The following EYS variants were observed in gnomAD, a reference collection of about 807,000 sequenced individuals.
EYS encodes protein eyes shut homolog.
In EYS, 250 loss-of-function variants were observed where a neutral mutation model predicts 282.1. That is an observed-to-expected ratio of 0.89 (90% CI 0.80 to 0.98). The LOEUF (loss-of-function observed/expected upper bound fraction) is 0.98. Among genes scored for constraint, EYS ranks in the 50% least tolerant of loss-of-function variants. The pLI, the probability that EYS is intolerant of heterozygous loss-of-function variation, is 0.00. For synonymous variants in EYS, 1,355 were observed against 1,282.9 expected (o/e 1.06, Z -1.20); for missense variants, 4,016 against 3,709.0 (o/e 1.08, Z -2.15).
In EYS at chr6:64,287,332, T is replaced by C. The variant is rs189043758; in HGVS notation, c.6191+19638A>G. ...ATTCTGTATTTTCACACATATAAAG[T>C]TTTTATAAAATATTAAAATGATGCT... On this transcript the variant is annotated intron_variant, in intron 30 of 42. Coordinates refer to ENST00000503581, the MANE Select transcript of EYS (RefSeq NM_001142800.2). Among the ~76,000 whole-genome samples, 201 of 152,260 alleles carry C rather than the reference T, an allele frequency of 1.3e-3. 1 individual carries two copies. The highest frequency in any genetic ancestry group is 4.4e-3 in the African/African-American group (181 of 41,564).
chr6:65,100,262 C>G (rs1051399687), intron 12 of EYS, among the ~76,000 whole-genome samples: 2 of 150,656 alleles, frequency 1.3e-5, no homozygotes, highest in Admixed American at 6.6e-5. Flanking sequence ...TCACTTCAAG[C>G]TAATGGTCAG....
intron 22 of EYS, among the ~76,000 whole-genome samples, chr6:64,762,064 T>C (rs1211312364): frequency 6.6e-6 from 1 of 152,190 alleles, no homozygotes; most frequent in African/African-American, 2.4e-5. Flanking sequence ...TAAATGTTCT[T>C]ACCACAAAGA....
intron 29 of EYS, among the ~76,000 whole-genome samples, chr6:64,381,741 G>A (rs1772754003): frequency 6.6e-6 from 1 of 152,172 alleles, no homozygotes; most frequent in Non-Finnish European, 1.5e-5. Flanking sequence ...AACTTTTTAA[G>A]TGATGCCAGA....
intron 24 of EYS, among the ~76,000 whole-genome samples, chr6:64,610,811 T>C (rs1767090859): frequency 6.6e-6 from 1 of 152,226 alleles, no homozygotes; most frequent in African/African-American, 2.4e-5. Flanking sequence ...TTTTTCATTA[T>C]ACATTATACT....
chr6:64,356,664 G>A (rs931710416), intron 29 of EYS, among the ~76,000 whole-genome samples: 4 of 151,520 alleles, frequency 2.6e-5, no homozygotes, highest in Admixed American at 6.6e-5. Flanking sequence ...GAGAGGAGGC[G>A]TCTCAGCACA....
chr6:64,705,742 C>T (rs913796166), intron 22 of EYS, among the ~76,000 whole-genome samples: 7 of 149,264 alleles, frequency 4.7e-5, no homozygotes, highest in Non-Finnish European at 1.0e-4. Flanking sequence ...AAACCAAACA[C>T]CGCATATTCT....
At chr6:64,375,559 G>A (rs1772535455) in intron 29 of EYS, among the ~76,000 whole-genome samples, 1 of 152,166 alleles carries the variant, frequency 6.6e-6, no homozygotes, top group South Asian at 2.1e-4. Flanking sequence ...AGGGTGTGGG[G>A]TAGGAGATAT....
intron 36 of EYS, among the ~76,000 whole-genome samples, chr6:63,826,521 C>G (rs1463016127): frequency 6.6e-6 from 1 of 152,134 alleles, no homozygotes. Flanking sequence ...TAAAGAAAAA[C>G]CTATCAGATT....
chr6:64,732,108 C>A (rs1239330309), intron 22 of EYS, among the ~76,000 whole-genome samples: 1 of 151,718 alleles, frequency 6.6e-6, no homozygotes, highest in East Asian at 1.9e-4. Flanking sequence ...GGGAGTTGAA[C>A]AATGAGAACA....
intron 30 of EYS, among the ~76,000 whole-genome samples, chr6:64,264,094 T>C (rs1216526343): frequency 2.3e-5 from 2 of 86,826 alleles, no homozygotes; most frequent in African/African-American, 9.1e-5. Context: ...TCTAGTGAGC[T>C]AAAAGAAAAA....
intron 32 of EYS, among the ~76,000 whole-genome samples, chr6:64,074,798 A>G (rs1044124191): frequency 2.6e-5 from 4 of 151,942 alleles, no homozygotes; most frequent in Non-Finnish European, 4.4e-5. Context: ...TCACATTTTT[A>G]TGGTGTTTTG....
At chr6:63,938,309 T>C (rs529617975) in intron 35 of EYS, among the ~76,000 whole-genome samples, 20 of 152,246 alleles carry the variant, frequency 1.3e-4, no homozygotes, top group African/African-American at 4.8e-4. Context: ...TGAAATATGG[T>C]TAAAATAACT....
chr6:64,112,708 A>T (rs1773245830), intron 31 of EYS, among the ~76,000 whole-genome samples: 1 of 150,022 alleles, frequency 6.7e-6, no homozygotes, highest in South Asian at 2.1e-4. Context: ...CTATGAATTA[A>T]AGAATAAAAA....
At chr6:65,047,942 A>G (rs1376213855) in intron 13 of EYS, among the ~76,000 whole-genome samples, 1 of 151,902 alleles carries the variant, frequency 6.6e-6, no homozygotes, top group African/African-American at 2.4e-5. Context: ...AGCTTGAGGC[A>G]AAACACAGAG....
At chr6:65,567,737 G>A (rs75741959) in intron 2 of EYS, among the ~76,000 whole-genome samples, 2,663 of 152,044 alleles carry the variant, frequency 0.018, 128 homozygotes, top group East Asian at 0.11. Flanking sequence ...AAACCCTAGC[G>A]GATTTATAGT....
At chr6:65,078,662 T>C (rs1422855572) in intron 12 of EYS, among the ~76,000 whole-genome samples, 1 of 152,048 alleles carries the variant, frequency 6.6e-6, no homozygotes, top group Non-Finnish European at 1.5e-5. Context: ...AATAAATAAT[T>C]GAGGAATCAA....
At chr6:65,134,268 T>TCATAAAGACA (rs1319502690) in intron 12 of EYS, among the ~76,000 whole-genome samples, 11 of 152,064 alleles carry the variant, frequency 7.2e-5, no homozygotes, top group Non-Finnish European at 1.3e-4. Context: ...GGAACATAAA[T>TCATAAAGACA]CATACTACCA....
intron 22 of EYS, among the ~76,000 whole-genome samples, chr6:64,626,846 T>C (rs1285480525): frequency 6.6e-6 from 1 of 152,206 alleles, no homozygotes; most frequent in Non-Finnish European, 1.5e-5. Context: ...TTATTGCATG[T>C]ATCTGCTTAA....
At chr6:65,421,570 T>A (rs910366390) in intron 5 of EYS, among the ~76,000 whole-genome samples, 2 of 151,912 alleles carry the variant, frequency 1.3e-5, no homozygotes, top group Non-Finnish European at 2.9e-5. Flanking sequence ...TCCTTTGCAT[T>A]CACAACTTGG....
Sources: allele counts gnomAD v4.1 joint callset (sites outside exome capture counted in the v4.1 genomes callset), GRCh38; gene constraint gnomAD v4.1.1; transcripts MANE v1.5; gene names NCBI Gene and HGNC (gene_info 2026-07-23, HGNC 2026-07-21).